CYB5B: variants seen among roughly 807,000 people sequenced by gnomAD.
The protein encoded by CYB5B is cytochrome b5 type B, also known as cytochrome b5 type B (outer mitochondrial membrane).
Under a neutral mutation model 21.3 loss-of-function variants are expected in CYB5B, and 14 were observed. The observed-to-expected ratio is 0.66, with a 90% CI of 0.43 to 1.03. The LOEUF (loss-of-function observed/expected upper bound fraction) is 1.03, where lower values mean the gene tolerates loss of function less well. CYB5B is among the 50% of genes least tolerant of loss of function. The pLI, the probability that CYB5B is intolerant of heterozygous loss-of-function variation, is 0.00. For missense variants in CYB5B, 166 were observed against 185.1 expected, an observed-to-expected ratio of 0.90 and a Z score of 0.60; for synonymous variants, 69 against 68.4, an observed-to-expected ratio of 1.01 and a Z score of -0.04.
chr16:69,426,391 T>C (rs1365649267), intron 1 of CYB5B, among the ~76,000 whole-genome samples: 9 of 133,166 alleles, frequency 6.8e-5, no homozygotes, highest in Non-Finnish European at 7.9e-5. Flanking sequence ...CCAGCGAGAT[T>C]CCATCTCAAA....
intron 1 of CYB5B, among the ~76,000 whole-genome samples, chr16:69,442,825 C>CTTT (rs11436895): frequency 7.3e-6 from 1 of 136,156 alleles, no homozygotes. Context: ...CCTAGCTATC[C>CTTT]TTTTTTTTTT....
chr16:69,444,584 T>C (rs2014858931), intron 1 of CYB5B, among the ~76,000 whole-genome samples: 1 of 152,060 alleles, frequency 6.6e-6, no homozygotes, highest in Non-Finnish European at 1.5e-5. Context: ...CTAAGCCATC[T>C]CTATTAAGAC....
Position 69,448,158 on chromosome 16 carries a change from G to T in CYB5B, c.333+14G>T, listed in dbSNP as rs372639518. 1.2e-6 allele frequency: 2 copies of T among 1,612,978 alleles called. No individual in the cohort carries two copies. The highest frequency in any genetic ancestry group is 1.1e-5 in the South Asian group (1 of 90,812). ...AGTGGTAGCAAGGTAAGAAGTCAGC[G>T]GTTTGTCTTGTGTTTATATTTGTGT... On this transcript the variant is annotated intron_variant, in intron 3 of 4. Coordinates refer to ENST00000307892, the MANE Select transcript of CYB5B (RefSeq NM_030579.3).
At chr16:69,462,114 G>A (rs1399701863) in intron 4 of CYB5B, among the ~76,000 whole-genome samples, 1 of 152,128 alleles carries the variant, frequency 6.6e-6, no homozygotes, top group Non-Finnish European at 1.5e-5. Context: ...GCACAATGAA[G>A]AAAATGTGAG....
At chr16:69,430,571 C>T (rs12102486) in intron 1 of CYB5B, among the ~76,000 whole-genome samples, 26,316 of 151,884 alleles carry the variant, frequency 0.17, 2,402 homozygotes, top group Middle Eastern at 0.25. Context: ...AAAATTATTT[C>T]CTTACTGGGT....
At chr16:69,458,207 G>A (rs1267949756) in intron 3 of CYB5B, among the ~76,000 whole-genome samples, 1 of 152,142 alleles carries the variant, frequency 6.6e-6, no homozygotes, top group Non-Finnish European at 1.5e-5. Context: ...GGTTTTTAGT[G>A]TATTTACAGA....
At chr16:69,424,896 G>T (rs767830899) in intron 1 of CYB5B, 39 bp downstream of exon 1, 15 of 1,508,548 alleles carry the variant, frequency 9.9e-6, no homozygotes, top group African/African-American at 1.4e-5. Context: ...AAGCTGCTGG[G>T]GCGAGGGGTG....
chr16:69,460,716 G>T (rs1222494705), intron 4 of CYB5B, among the ~76,000 whole-genome samples: 2 of 152,052 alleles, frequency 1.3e-5, no homozygotes, highest in African/African-American at 2.4e-5. Flanking sequence ...AGAAATATAT[G>T]CAAGAATGTT....
chr16:69,436,312 C>T (rs2014759527), intron 1 of CYB5B, among the ~76,000 whole-genome samples: 1 of 152,150 alleles, frequency 6.6e-6, no homozygotes, highest in South Asian at 2.1e-4. Context: ...ACATAAATAT[C>T]ATGAAGGTAC....
intron 1 of CYB5B, among the ~76,000 whole-genome samples, chr16:69,430,924 C>T (rs192533030): frequency 5.9e-5 from 9 of 151,784 alleles, no homozygotes; most frequent in Admixed American, 1.3e-4. Flanking sequence ...TCACCCGCCT[C>T]GGCCTCCCAA....
At chr16:69,448,227 G>A in intron 3 of CYB5B, 83 bp downstream of exon 3, 2 of 1,487,560 alleles carry the variant, frequency 1.3e-6, no homozygotes, top group Non-Finnish European at 1.9e-6. Context: ...TTCTTAACAA[G>A]AGAAGTTACA....
At chr16:69,427,370 A>G (rs538671657) in intron 1 of CYB5B, among the ~76,000 whole-genome samples, 1 of 151,964 alleles carries the variant, frequency 6.6e-6, no homozygotes, top group Non-Finnish European at 1.5e-5. Context: ...TTCAGTCTCA[A>G]GTAATAGTTG....
At chr16:69,447,083 TG>T in intron 1 of CYB5B, 66 bp from the exon 2 acceptor site, 1 of 1,566,106 alleles carries the variant, frequency 6.4e-7, no homozygotes. Flanking sequence ...GAAGGGGGTA[TG>T]GGAAAGTAAC....
chr16:69,438,901 G>T (rs1388987416), intron 1 of CYB5B, among the ~76,000 whole-genome samples: 1 of 151,898 alleles, frequency 6.6e-6, no homozygotes, highest in Non-Finnish European at 1.5e-5. Flanking sequence ...CTCACATTTG[G>T]TAGATTGTCT....
chr16:69,444,482 G>C (rs1221112003), intron 1 of CYB5B, among the ~76,000 whole-genome samples: 1 of 152,162 alleles, frequency 6.6e-6, no homozygotes, highest in Non-Finnish European at 1.5e-5. Flanking sequence ...GCCCATGGCA[G>C]CCCTGCATCC....
At chr16:69,451,068 A>G (rs921654332) in intron 3 of CYB5B, among the ~76,000 whole-genome samples, 1 of 152,228 alleles carries the variant, frequency 6.6e-6, no homozygotes, top group African/African-American at 2.4e-5. Flanking sequence ...TAATATACTA[A>G]AAACGTAAAG....
In CYB5B at chr16:69,455,400, C is replaced by CT. The variant is rs67183796; in HGVS notation, c.334-3674dup. 6.8e-3 allele frequency among the ~76,000 whole-genome samples: 838 copies of CT among 122,966 alleles called. 6 individuals are homozygous for CT. Among genetic ancestry groups the CT allele is most frequent in the African/African-American group, 0.015 (466 of 31,982 alleles). The allele number at this position is 122,966 out of a possible 152,430, so 80.7% of individuals were successfully genotyped here. A position where few individuals can be genotyped will look rare whatever the true frequency, so the allele number is the denominator to read the frequency against. ...AGTTGAGACATTTCTTTGTTGTTCTCTTTTTTTTTTTTTTTTTTTGGTGGG... is the reference window on the plus strand; with the variant it reads ...AGTTGAGACATTTCTTTGTTGTTCTCTTTTTTTTTTTTTTTTTTTTGGTGGG... On this transcript the variant is annotated intron_variant, in intron 3 of 4. Coordinates refer to ENST00000307892, the MANE Select transcript of CYB5B (RefSeq NM_030579.3).
At chr16:69,439,361 C>T (rs1381273527) in intron 1 of CYB5B, among the ~76,000 whole-genome samples, 1 of 152,044 alleles carries the variant, frequency 6.6e-6, no homozygotes, top group Non-Finnish European at 1.5e-5. Flanking sequence ...CAGGTGCCCG[C>T]CATCAGGCCC....
rs1241343450 is a variant in CYB5B at position 69,465,792 on chromosome 16, G to A, written c.*3272G>A. 3.9e-5 allele frequency: 6 copies of A among 152,168 alleles called. No individual in the cohort carries two copies. In the East Asian group the frequency reaches 1.2e-3, roughly 29 times the overall value. The allele number at this position is 152,168 out of a possible 1,614,324, so 9.4% of individuals were successfully genotyped here. The stretch of plus-strand genomic sequence containing the variant: ...AGAGAAATGGATTCAGACATGTCTT[G>A]TCTCAACAAGAAATTGATTTTTTTT... On this transcript the variant is annotated 3_prime_UTR_variant, in exon 5 of 5. Transcript: ENST00000307892.
Sources: gnomAD v4.1 joint callset for allele counts (sites outside exome capture counted in the v4.1 genomes callset) on GRCh38, gnomAD v4.1.1 for gene constraint, MANE v1.5 for transcripts, NCBI Gene and HGNC (gene_info 2026-07-23, HGNC 2026-07-21) for gene names.